GRM5: variants seen among roughly 807,000 people sequenced by gnomAD.
GRM5 encodes glutamate metabotropic receptor 5, also known as metabotropic glutamate receptor 5.
In GRM5, 19 loss-of-function variants were observed where a neutral mutation model predicts 83.1. The observed-to-expected ratio is 0.23, with a 90% confidence interval of 0.16 to 0.34. The LOEUF (loss-of-function observed/expected upper bound fraction) is 0.34, where lower values mean the gene tolerates loss of function less well. Among genes scored for constraint, GRM5 ranks in the 10% least tolerant of loss-of-function variants. GRM5 has a pLI of 1.00. For synonymous variants in GRM5, 675 were observed against 633.6 expected (o/e 1.07, Z -0.98); for missense variants, 1,160 against 1,588.3 (o/e 0.73, Z 4.58).
intron 3 of GRM5, among the ~76,000 whole-genome samples, chr11:88,664,415 T>C (rs1939986360): frequency 6.6e-6 from 1 of 152,058 alleles, no homozygotes; most frequent in South Asian, 2.1e-4. Context: ...CAATAGAGTA[T>C]GGCAACTATT....
intron 3 of GRM5, among the ~76,000 whole-genome samples, chr11:88,824,531 G>T (rs930682995): frequency 1.3e-5 from 2 of 152,046 alleles, no homozygotes; most frequent in Non-Finnish European, 2.9e-5. Context: ...GCAGGGGGGT[G>T]GTTTCAGGGC....
intron 3 of GRM5, among the ~76,000 whole-genome samples, chr11:88,829,615 T>C (rs1413408920): frequency 6.6e-6 from 1 of 152,196 alleles, no homozygotes; most frequent in East Asian, 1.9e-4. Flanking sequence ...GAAGAAGTGT[T>C]GTTATTTCAA....
chr11:88,798,841 A>AC (rs1943336135), intron 3 of GRM5, among the ~76,000 whole-genome samples: 1 of 147,990 alleles, frequency 6.8e-6, no homozygotes, highest in Non-Finnish European at 1.5e-5. Context: ...CAACAACAAC[A>AC]AAAAAAAACT....
At chr11:88,666,986 A>C (rs889460391) in intron 3 of GRM5, among the ~76,000 whole-genome samples, 2 of 152,196 alleles carry the variant, frequency 1.3e-5, no homozygotes, top group Admixed American at 1.3e-4. Flanking sequence ...CATTAGAATC[A>C]ATAGAGTGAA....
intron 8 of GRM5, among the ~76,000 whole-genome samples, chr11:88,530,005 C>A (rs1376883193): frequency 6.6e-6 from 1 of 151,960 alleles, no homozygotes; most frequent in African/African-American, 2.4e-5. Flanking sequence ...TGAGTATAAA[C>A]ATTTGGAGGT....
intron 3 of GRM5, among the ~76,000 whole-genome samples, chr11:88,778,078 A>T (rs764877070): frequency 4.6e-5 from 7 of 151,596 alleles, no homozygotes; most frequent in Non-Finnish European, 7.4e-5. Context: ...GTCTAGAGGC[A>T]GTAGGCCTTG....
intron 2 of GRM5, among the ~76,000 whole-genome samples, chr11:88,879,784 T>C (rs543810053): frequency 2.0e-5 from 3 of 152,210 alleles, no homozygotes; most frequent in African/African-American, 7.2e-5. Flanking sequence ...TCAGATAATC[T>C]GCTTTTAGTA....
intron 3 of GRM5, among the ~76,000 whole-genome samples, chr11:88,716,986 T>C (rs569836446): frequency 1.3e-5 from 2 of 152,122 alleles, no homozygotes; most frequent in East Asian, 3.9e-4. Flanking sequence ...CTTAAACTAA[T>C]TATGAAGAAT....
intron 4 of GRM5, among the ~76,000 whole-genome samples, chr11:88,613,346 A>T (rs917676029): frequency 2.6e-5 from 4 of 152,114 alleles, no homozygotes; most frequent in Non-Finnish European, 5.9e-5. Context: ...CTCTTCATAG[A>T]TCTCTAGAAA....
chr11:88,634,809 T>C (rs985060781), intron 4 of GRM5, among the ~76,000 whole-genome samples: 1 of 152,248 alleles, frequency 6.6e-6, no homozygotes. Context: ...TGCCATACTT[T>C]CATGCAATTG....
intron 4 of GRM5, among the ~76,000 whole-genome samples, chr11:88,614,243 T>G (rs76854151): frequency 0.038 from 5,767 of 152,208 alleles, 331 homozygotes; most frequent in African/African-American, 0.12. Flanking sequence ...GTTACTTCAA[T>G]TACTTAACAT....
At chr11:88,948,442 T>G (rs938069350) in intron 2 of GRM5, among the ~76,000 whole-genome samples, 3 of 152,178 alleles carry the variant, frequency 2.0e-5, no homozygotes, top group African/African-American at 4.8e-5. Flanking sequence ...TAGAAATAAA[T>G]TTTTACCAAC....
chr11:89,005,323 G>A (rs1262573260), intron 2 of GRM5, among the ~76,000 whole-genome samples: 8 of 152,058 alleles, frequency 5.3e-5, no homozygotes, highest in Non-Finnish European at 1.2e-4. Flanking sequence ...ATTTCATATC[G>A]GGAAGGAATT....
intron 4 of GRM5, among the ~76,000 whole-genome samples, chr11:88,616,713 A>T (rs1023425489): frequency 2.0e-5 from 3 of 152,154 alleles, no homozygotes; most frequent in Non-Finnish European, 2.9e-5. Context: ...AGAAATCACT[A>T]ATACATAATT....
At chr11:88,571,390 C>T (rs1240401674) in intron 7 of GRM5, among the ~76,000 whole-genome samples, 9 of 152,144 alleles carry the variant, frequency 5.9e-5, no homozygotes, top group Non-Finnish European at 1.3e-4. Flanking sequence ...GAAAGTCTTA[C>T]ATTTAGTTTG....
chr11:88,939,564 C>A (rs147312842), intron 2 of GRM5, among the ~76,000 whole-genome samples: 1 of 151,634 alleles, frequency 6.6e-6, no homozygotes, highest in African/African-American at 2.4e-5. Flanking sequence ...CGATATTTAC[C>A]GGATAACTCC....
chr11:88,869,966 T>C (rs1426977583), intron 2 of GRM5, among the ~76,000 whole-genome samples: 1 of 151,594 alleles, frequency 6.6e-6, no homozygotes, highest in Non-Finnish European at 1.5e-5. Flanking sequence ...TTCCATAACT[T>C]ACAGTGATAG....
At chr11:88,697,880 G>A (rs140329405) in intron 3 of GRM5, among the ~76,000 whole-genome samples, 70 of 152,250 alleles carry the variant, frequency 4.6e-4, no homozygotes, top group African/African-American at 1.4e-3. Context: ...CCATTCAATT[G>A]TGCTAACCAA....
At chr11:88,983,500 T>A (rs1939593416) in intron 2 of GRM5, among the ~76,000 whole-genome samples, 2 of 152,188 alleles carry the variant, frequency 1.3e-5, no homozygotes, top group Non-Finnish European at 2.9e-5. Flanking sequence ...ATAGTGCACC[T>A]CATCACTGGT....
Sources: allele counts gnomAD v4.1 joint callset (sites outside exome capture counted in the v4.1 genomes callset), GRCh38; gene constraint gnomAD v4.1.1; transcripts MANE v1.5; gene names NCBI Gene and HGNC (gene_info 2026-07-23, HGNC 2026-07-21).